The following PTPRG variants were observed in gnomAD, a reference collection of about 807,000 sequenced individuals.
PTPRG encodes the protein receptor-type tyrosine-protein phosphatase gamma.
A neutral mutation model predicts 165.3 loss-of-function variants in PTPRG; 102 were observed. The ratio of observed to expected loss-of-function variants is 0.62; its 90% CI spans 0.53 to 0.73. PTPRG has a LOEUF of 0.73. Ranked by LOEUF, PTPRG falls within the 30% of genes least tolerant of loss-of-function variation. The pLI is 0.00. For synonymous variants in PTPRG, 675 were observed against 669.5 expected, an observed-to-expected ratio of 1.01 and a Z score of -0.13; for missense variants, 1,866 against 1,861.4, an observed-to-expected ratio of 1.00 and a Z score of -0.05.
At chr3:61,731,198 A>G (rs574740971) in intron 1 of PTPRG, among the ~76,000 whole-genome samples, 1 of 152,224 alleles carries the variant, frequency 6.6e-6, no homozygotes, top group South Asian at 2.1e-4. Context: ...AGAAAAAAGG[A>G]AAAGAGAAAA....
chr3:62,245,692 T>A lies in PTPRG; in HGVS notation c.2467+1794T>A, dbSNP rs1701273502. Among the ~76,000 whole-genome samples the A allele has an allele frequency of 6.6e-6, 1 of 152,064 alleles. No homozygotes were observed. Among genetic ancestry groups the A allele is most frequent in the Admixed American group, 6.6e-5 (1 of 15,254 alleles). On this transcript the variant is annotated intron_variant, in intron 15 of 29. Coordinates refer to ENST00000474889, the MANE Select transcript of PTPRG (RefSeq NM_002841.4). The surrounding 1 kb of genome is among the most constrained non-coding windows in gnomAD (Gnocchi z 4.2). ...ACTGTCAAGACAACAGTAGATGATA[T>A]TTGTAAAAGCACTTTGGAAACCATA...
At chr3:62,070,230 T>A (rs1391512297) in intron 4 of PTPRG, among the ~76,000 whole-genome samples, 1 of 152,244 alleles carries the variant, frequency 6.6e-6, no homozygotes, top group Non-Finnish European at 1.5e-5. Flanking sequence ...AATCTGTATT[T>A]AGCAGAACCA....
intron 3 of PTPRG, among the ~76,000 whole-genome samples, chr3:61,996,785 C>T (rs559139450): frequency 2.2e-4 from 33 of 152,278 alleles, no homozygotes; most frequent in African/African-American, 7.2e-4. Context: ...TCCAGCTTTG[C>T]CTGAACCCTG....
rs1294659356 is a variant in PTPRG, at chr3:61,604,739, GT to G, written c.85+42376del. Among the ~76,000 whole-genome samples, 19 of 150,018 alleles carry G rather than the reference GT, an allele frequency of 1.3e-4. No individual in the cohort carries two copies. The East Asian group carries it at 1.4e-3, about 11-fold the overall frequency. On this transcript the variant is annotated intron_variant, in intron 1 of 29. Transcript: ENST00000474889. ...CCATTCATCAGCTTGCTTGCCATGA[GT>G]TTTTTTTTCCCCCTAGAACCCTATT...
intron 1 of PTPRG, among the ~76,000 whole-genome samples, chr3:61,747,731 G>T (rs1430551982): frequency 6.6e-6 from 1 of 151,760 alleles, no homozygotes; most frequent in African/African-American, 2.4e-5. Context: ...AATGCGTTGT[G>T]TTTTCCTGGT....
At chr3:61,941,330 G>A (rs1660357096) in intron 2 of PTPRG, among the ~76,000 whole-genome samples, 1 of 152,218 alleles carries the variant, frequency 6.6e-6, no homozygotes, top group Non-Finnish European at 1.5e-5. Context: ...TCAGTTAAGA[G>A]GTCAGTGATT....
intron 2 of PTPRG, among the ~76,000 whole-genome samples, chr3:61,754,857 G>A (rs976317829): frequency 1.3e-5 from 2 of 152,158 alleles, no homozygotes; most frequent in African/African-American, 4.8e-5. Flanking sequence ...AGAATGGAAG[G>A]CACTGTAGGA....
chr3:62,106,757 C>T (rs1702487883), intron 5 of PTPRG, among the ~76,000 whole-genome samples: 1 of 152,152 alleles, frequency 6.6e-6, no homozygotes, highest in East Asian at 1.9e-4. Flanking sequence ...ACAGAAACAG[C>T]AGTCTTGTGT....
At chr3:61,870,577 A>T (rs1224277323) in intron 2 of PTPRG, among the ~76,000 whole-genome samples, 14 of 54,324 alleles carry the variant, frequency 2.6e-4, no homozygotes, top group Admixed American at 7.4e-4. Context: ...TTTTTTTTTT[A>T]ACCATGTTGG....
Position 61,835,783 on chromosome 3 carries a change from A to G in PTPRG, c.190+86801A>G, listed in dbSNP as rs577494501. ...GCCGGGCACAGTGGCTCACACCTGTAATCCCAGCACTTTGGGAGGCCGAGG... is the reference window on the plus strand; with the variant it reads ...GCCGGGCACAGTGGCTCACACCTGTGATCCCAGCACTTTGGGAGGCCGAGG... On this transcript the variant is annotated intron_variant, in intron 2 of 29. Coordinates refer to ENST00000474889, the MANE Select transcript of PTPRG (RefSeq NM_002841.4). Among the ~76,000 whole-genome samples the G allele has an allele frequency of 4.5e-4, 69 of 152,004 alleles. No individual in the cohort carries two copies. The Middle Eastern group carries it at 0.01, about 23-fold the overall frequency.
chr3:61,728,874 CAAAAAAA>C (rs3032404), intron 1 of PTPRG, among the ~76,000 whole-genome samples: 2 of 103,016 alleles, frequency 1.9e-5, no homozygotes, highest in Non-Finnish European at 2.1e-5. Flanking sequence ...TAATCTGTAC[CAAAAAAA>C]AAAAAAAAAA....
chr3:62,246,172 A>T (rs765520267), intron 15 of PTPRG, among the ~76,000 whole-genome samples: 1 of 152,300 alleles, frequency 6.6e-6, no homozygotes, highest in East Asian at 1.9e-4. Context: ...CATGTATTCA[A>T]TTGTACCTCA....
At chr3:61,813,062 G>A (rs1412662429) in intron 2 of PTPRG, among the ~76,000 whole-genome samples, 4 of 152,094 alleles carry the variant, frequency 2.6e-5, no homozygotes, top group African/African-American at 4.8e-5. Context: ...AAAGACTGTT[G>A]TATTTGAAAT....
At position 62,051,291 on chromosome 3, in the gene PTPRG, A is replaced by G. The variant is rs554949880; in HGVS notation, c.520-26872A>G. Among the ~76,000 whole-genome samples, 5 of 152,326 alleles carry G rather than the reference A, an allele frequency of 3.3e-5. No individual in the cohort carries two copies. In the East Asian group the frequency reaches 5.8e-4, roughly 18 times the overall value. ...GTTACTAATTTCAAAGTCAGTTGCT[A>G]TGAGCATCATTTGGCACAACTGCCC... On this transcript the variant is annotated intron_variant, in intron 4 of 29. Coordinates refer to ENST00000474889, the MANE Select transcript of PTPRG (RefSeq NM_002841.4).
At chr3:62,062,041 T>C (rs542668324) in intron 4 of PTPRG, among the ~76,000 whole-genome samples, 1 of 152,020 alleles carries the variant, frequency 6.6e-6, no homozygotes, top group Admixed American at 6.5e-5. Context: ...GGCTCACGCC[T>C]GTAATCCCAG....
intron 8 of PTPRG, among the ~76,000 whole-genome samples, chr3:62,184,940 T>C (rs1028807953): frequency 2.0e-5 from 3 of 151,834 alleles, no homozygotes; most frequent in Admixed American, 2.0e-4. Context: ...CTGCAGATAG[T>C]TTAAGGCACT....
intron 28 of PTPRG, among the ~76,000 whole-genome samples, chr3:62,287,026 T>C (rs1702689590): frequency 6.6e-6 from 1 of 152,184 alleles, no homozygotes; most frequent in South Asian, 2.1e-4. Flanking sequence ...CTTTTAATTT[T>C]ACTGCTTATT....
At chr3:62,088,052 C>G (rs1701807707) in intron 5 of PTPRG, among the ~76,000 whole-genome samples, 1 of 152,100 alleles carries the variant, frequency 6.6e-6, no homozygotes, top group South Asian at 2.1e-4. Context: ...AAGATTTGAA[C>G]TTTGAATTGA....
Position 62,167,254 on chromosome 3 carries a change from G to A in PTPRG, c.841-717G>A, listed in dbSNP as rs184723949. Among the ~76,000 whole-genome samples the A allele has an allele frequency of 1.2e-4, 19 of 152,228 alleles. No individual in the cohort carries two copies. In the East Asian group the frequency reaches 3.5e-3, roughly 28 times the overall value. ...CAGAAAACTTGAACAGTTCATCTCC[G>A]ATTACCCATCTGGTAAATGTTGAAC... On this transcript the variant is annotated intron_variant, in intron 7 of 29. Coordinates refer to ENST00000474889, the MANE Select transcript of PTPRG (RefSeq NM_002841.4).
Sources: allele counts gnomAD v4.1 joint callset (sites outside exome capture counted in the v4.1 genomes callset), GRCh38; gene constraint gnomAD v4.1.1; non-coding constraint Gnocchi (gnomAD v3.1); transcripts MANE v1.5; gene names NCBI Gene and HGNC (gene_info 2026-07-23, HGNC 2026-07-21).